The following KCNG3 variants were observed in gnomAD, a reference collection of about 807,000 sequenced individuals.
KCNG3 encodes the protein voltage-gated potassium channel regulatory subunit KCNG3.
In KCNG3, 15 loss-of-function variants were observed where a neutral mutation model predicts 29.0. That is an observed-to-expected ratio of 0.52 (90% confidence interval 0.35 to 0.80). The LOEUF (loss-of-function observed/expected upper bound fraction) is 0.80. KCNG3 is among the 30% of genes least tolerant of loss of function. The probability of loss-of-function intolerance (pLI) is 0.01; values close to 1 mark genes in which losing one functional copy is unlikely to be tolerated. For synonymous variants in KCNG3, 322 were observed against 248.9 expected, an observed-to-expected ratio of 1.29 and a Z score of -2.76; for missense variants, 512 against 605.7, an observed-to-expected ratio of 0.85 and a Z score of 1.62.
chr2:42,408,777 A>G, the KCNG3 span, among the ~76,000 whole-genome samples: 1 of 152,158 alleles, frequency 6.6e-6, no homozygotes, highest in Non-Finnish European at 1.5e-5. Flanking sequence ...TGTAACACAA[A>G]CAGGGCTGAA....
At chr2:42,459,665 A>G (rs1672967714) in intron 1 of KCNG3, among the ~76,000 whole-genome samples, 1 of 152,154 alleles carries the variant, frequency 6.6e-6, no homozygotes, top group South Asian at 2.1e-4. Context: ...CTAAAGATAG[A>G]ACTTAAGCAC....
the KCNG3 span, among the ~76,000 whole-genome samples, chr2:42,431,850 C>T: frequency 6.6e-6 from 1 of 152,074 alleles, no homozygotes; most frequent in Admixed American, 6.6e-5. Context: ...CCAGCCTGGC[C>T]AACATGGCGA....
chr2:42,467,493 A>C (rs1673170067), intron 1 of KCNG3, among the ~76,000 whole-genome samples: 1 of 147,022 alleles, frequency 6.8e-6, no homozygotes, highest in South Asian at 2.2e-4. Context: ...CATGGTGAAA[A>C]CCCATCTCTA....
intron 1 of KCNG3, among the ~76,000 whole-genome samples, chr2:42,469,559 C>T (rs189605622): frequency 4.6e-5 from 7 of 151,978 alleles, no homozygotes; most frequent in Non-Finnish European, 7.4e-5. Context: ...GTGTTATCCA[C>T]GTGAATAAAA....
chr2:42,424,460 CATTA>C, the KCNG3 span, among the ~76,000 whole-genome samples: 2 of 147,394 alleles, frequency 1.4e-5, no homozygotes, highest in Non-Finnish European at 3.0e-5. Context: ...AAACCCAAAA[CATTA>C]ATTATCTTCT....
At chr2:42,402,167 T>C in the KCNG3 span, among the ~76,000 whole-genome samples, 1 of 152,226 alleles carries the variant, frequency 6.6e-6, no homozygotes, top group Non-Finnish European at 1.5e-5. Context: ...CTCTGTGAGC[T>C]GGGACATCTA....
chr2:42,435,104 A>G, the KCNG3 span, among the ~76,000 whole-genome samples: 3 of 152,154 alleles, frequency 2.0e-5, no homozygotes, highest in Non-Finnish European at 4.4e-5. Context: ...GGAGTTCAAG[A>G]CCAGCCTAGT....
At chr2:42,487,482 G>T (rs1218506178) in intron 1 of KCNG3, among the ~76,000 whole-genome samples, 2 of 150,712 alleles carry the variant, frequency 1.3e-5, no homozygotes, top group Non-Finnish European at 3.0e-5. Context: ...ACCAGAAAAA[G>T]GTATAAATAT....
In KCNG3 at chr2:42,445,071, A is replaced by AT. The variant is rs1417435154; in HGVS notation, c.666-493dup. On this transcript the variant is annotated intron_variant, in intron 1 of 1. Coordinates refer to ENST00000306078, the MANE Select transcript of KCNG3 (RefSeq NM_133329.6). ...GACAGAAAGAGACCCTGTCTCAAAAATTAAAAAAAAAAAAAAAAAAAATTG... is the reference window on the plus strand; with the variant it reads ...GACAGAAAGAGACCCTGTCTCAAAAATTTAAAAAAAAAAAAAAAAAAAATTG... 3.3e-3 allele frequency among the ~76,000 whole-genome samples: 291 copies of AT among 87,110 alleles called. 1 individual carries two copies. The highest frequency in any genetic ancestry group is 5.2e-3 in the South Asian group (16 of 3,094). The allele number at this position is 87,110 out of a possible 152,430, so 57.1% of individuals were successfully genotyped here. A position where few individuals can be genotyped will look rare whatever the true frequency, so the allele number is the denominator to read the frequency against.
downstream of KCNG3, among the ~76,000 whole-genome samples, chr2:42,437,055 C>T (rs961303544): frequency 6.6e-6 from 1 of 152,114 alleles, no homozygotes; most frequent in Non-Finnish European, 1.5e-5. Flanking sequence ...ACATTTACAA[C>T]CCTTTTTTCC....
At chr2:42,399,908 C>T in the KCNG3 span, among the ~76,000 whole-genome samples, 1 of 152,086 alleles carries the variant, frequency 6.6e-6, no homozygotes, top group African/African-American at 2.4e-5. Context: ...AGCAACCTTC[C>T]ACTCTTTGAG....
In KCNG3 at chr2:42,493,657, G is replaced by T. The variant is rs1673983531; in HGVS notation, c.-156C>A. On this transcript the variant is annotated 5_prime_UTR_variant, in exon 1 of 2. Coordinates refer to ENST00000306078, the MANE Select transcript of KCNG3 (RefSeq NM_133329.6). ...CCGCTCCTGCCCTCCGCTGGCCCGG[G>T]GGTCCCTGGGCTCGAGTATCTCCGG... The T allele has an allele frequency of 1.9e-6, 1 of 535,422 alleles. No homozygotes were observed. The highest frequency in any genetic ancestry group is 3.9e-5 in the East Asian group (1 of 25,850). 33.2% of individuals were successfully genotyped at this position (535,422 alleles called of 1,614,324 possible).
chr2:42,440,988 C>T (rs1438500664), downstream of KCNG3, among the ~76,000 whole-genome samples: 1 of 152,050 alleles, frequency 6.6e-6, no homozygotes, highest in East Asian at 1.9e-4. Context: ...GGTACCAATA[C>T]AGATATTAAT....
At chr2:42,469,632 A>C (rs1452794387) in intron 1 of KCNG3, among the ~76,000 whole-genome samples, 1 of 152,128 alleles carries the variant, frequency 6.6e-6, no homozygotes, top group East Asian at 1.9e-4. Flanking sequence ...GTAAAAGTTA[A>C]GTAAATTATT....
In KCNG3 at chr2:42,493,411, G is replaced by C. The variant is rs1282307838; in HGVS notation, c.91C>G (p.Pro31Ala). ...TGCAGCCGGCTCACGCGGCGCAGCG[G>C]GAAGTCCTTCAGCAGCTCCCGGGAC... ...SLSRELLKDFPLRRVSRLHGC... is the reference protein window; with the variant it reads ...SLSRELLKDFALRRVSRLHGC... The change falls in exon 1 of 2, where the codon CCG (proline) becomes GCG (alanine). Residue 31 changes from proline (P) to alanine (A), a missense_variant. By Grantham distance (27) the Pro-to-Ala change is conservative. Around this residue, in one of 5 missense-constraint regions of KCNG3, gnomAD observed 91 missense variants for 91.1 expected, o/e 1.00. Transcript: ENST00000306078. 2.6e-6 allele frequency: 4 copies of C among 1,514,828 alleles called. No homozygotes were observed. Among genetic ancestry groups the C allele is most frequent in the Non-Finnish European group, 1.8e-6 (2 of 1,134,172 alleles). The allele number at this position is 1,514,828 out of a possible 1,614,324, so 93.8% of individuals were successfully genotyped here. A position where few individuals can be genotyped will look rare whatever the true frequency, so the allele number is the denominator to read the frequency against.
intron 1 of KCNG3, among the ~76,000 whole-genome samples, chr2:42,451,758 G>T (rs1672759984): frequency 6.6e-6 from 1 of 151,816 alleles, no homozygotes; most frequent in African/African-American, 2.4e-5. Flanking sequence ...AAATTAGCAG[G>T]GAGTGGTGGT....
intron 1 of KCNG3, among the ~76,000 whole-genome samples, chr2:42,474,202 G>A (rs56926376): frequency 0.088 from 13,315 of 151,462 alleles, 658 homozygotes; most frequent in South Asian, 0.21. Context: ...TGCTCTGGGC[G>A]ACAGAGCAAG....
At chr2:42,403,873 T>C in the KCNG3 span, among the ~76,000 whole-genome samples, 1 of 152,130 alleles carries the variant, frequency 6.6e-6, no homozygotes, top group African/African-American at 2.4e-5. Flanking sequence ...AGTGCTGGGA[T>C]TACGGGCATG....
At chr2:42,414,219 C>G in the KCNG3 span, among the ~76,000 whole-genome samples, 2 of 152,124 alleles carry the variant, frequency 1.3e-5, no homozygotes, top group African/African-American at 4.8e-5. Context: ...TTTCTTCTAG[C>G]CAAAGCAGTT....
Sources: allele counts gnomAD v4.1 joint callset (sites outside exome capture counted in the v4.1 genomes callset), GRCh38; gene constraint gnomAD v4.1.1; regional missense constraint gnomAD v4.1.1; transcripts MANE v1.5; gene names NCBI Gene and HGNC (gene_info 2026-07-23, HGNC 2026-07-21).